Variants in BCL2L13 observed in about 807,000 individuals in gnomAD.
BCL2L13 encodes BCL2 like 13.
A neutral mutation model predicts 25.8 loss-of-function variants in BCL2L13; 13 were observed. The ratio of observed to expected loss-of-function variants is 0.50; its 90% confidence interval spans 0.33 to 0.80. The LOEUF is 0.80. Among genes scored for constraint, BCL2L13 ranks in the 30% least tolerant of loss-of-function variants. BCL2L13 has a pLI of 0.02. For synonymous variants in BCL2L13, 244 were observed against 230.3 expected (o/e 1.06, Z -0.54); for missense variants, 504 against 574.9 (o/e 0.88, Z 1.26).
intron 6 of BCL2L13, among the ~76,000 whole-genome samples, chr22:17,720,889 G>C (rs985652529): frequency 4.6e-5 from 7 of 151,810 alleles, no homozygotes; most frequent in African/African-American, 1.7e-4. Context: ...ATAACAGGCC[G>C]GGCGCGGTGG....
At chr22:17,683,735 A>T (rs186452691) in intron 3 of BCL2L13, among the ~76,000 whole-genome samples, 1,866 of 151,946 alleles carry the variant, frequency 0.012, 109 homozygotes, top group Admixed American at 0.095. Flanking sequence ...ATTCAACTTT[A>T]TAGCCATTTT....
chr22:17,638,873 G>GGGGCCA lies in BCL2L13; in HGVS notation c.-55_-51+1dup. 3 of 1,232,672 alleles carry GGGGCCA rather than the reference G, an allele frequency of 2.4e-6. No homozygotes were observed. Among genetic ancestry groups the GGGGCCA allele is most frequent in the Admixed American group, 4.2e-5 (1 of 23,736 alleles). 76.4% of individuals were successfully genotyped at this position (1,232,672 alleles called of 1,614,324 possible). ...CGCCTCTTTCATCTCTTCTGGGGCA[G>GGGGCCA]GGGCCAGGGCCAGGTGAGGGGAGTG... On this transcript the variant is annotated 5_prime_UTR_variant, in exon 1 of 7. Coordinates refer to ENST00000317582, the MANE Select transcript of BCL2L13 (RefSeq NM_015367.4).
At chr22:17,631,008 C>A (rs190330381) in intron 1 of BCL2L13, among the ~76,000 whole-genome samples, 3 of 152,076 alleles carry the variant, frequency 2.0e-5, no homozygotes, top group African/African-American at 7.2e-5. Context: ...GTGATCATGT[C>A]TTTTTAGTCT....
At chr22:17,680,281 T>C (rs1601630034) in intron 2 of BCL2L13, among the ~76,000 whole-genome samples, 1 of 136,680 alleles carries the variant, frequency 7.3e-6, no homozygotes, top group Admixed American at 7.8e-5. Flanking sequence ...GAGGCCGAGG[T>C]GGGCGCATCA....
intron 1 of BCL2L13, among the ~76,000 whole-genome samples, chr22:17,630,022 C>T (rs1023953900): frequency 2.0e-5 from 3 of 151,896 alleles, no homozygotes; most frequent in African/African-American, 7.3e-5. Flanking sequence ...ATTTCGAGAC[C>T]AGCCTGACCA....
chr22:17,680,922 G>A (rs953442709), intron 2 of BCL2L13, among the ~76,000 whole-genome samples: 1 of 152,090 alleles, frequency 6.6e-6, no homozygotes, highest in Non-Finnish European at 1.5e-5. Flanking sequence ...TGGTCAGCAG[G>A]TATGGTGCCA....
chr22:17,693,364 TA>T (rs1221011772), intron 4 of BCL2L13, among the ~76,000 whole-genome samples: 1,516 of 123,752 alleles, frequency 0.012, 48 homozygotes, highest in East Asian at 0.027. Context: ...TTTATTTATT[TA>T]GTGTTTGTTT....
intron 6 of BCL2L13, chr22:17,706,586 G>A (rs923323618): frequency 4.8e-5 from 43 of 897,348 alleles, no homozygotes; most frequent in African/African-American, 1.1e-4. Flanking sequence ...TTTCACATGC[G>A]TCTCTGAAGA....
At chr22:17,681,416 G>C (rs1021876954) in intron 2 of BCL2L13, among the ~76,000 whole-genome samples, 1 of 151,762 alleles carries the variant, frequency 6.6e-6, no homozygotes, top group Non-Finnish European at 1.5e-5. Context: ...GGAGAATGGC[G>C]TGAACCTGGG....
intron 6 of BCL2L13, among the ~76,000 whole-genome samples, chr22:17,721,285 G>A (rs35702373): frequency 0.15 from 22,085 of 152,090 alleles, 2,087 homozygotes; most frequent in Non-Finnish European, 0.21. Context: ...GTTCCTGTGG[G>A]GATTGTTGAG....
rs1229551248 is a variant in BCL2L13, at chr22:17,693,370, TTG to T, written c.387-2769_387-2768del. On this transcript the variant is annotated intron_variant, in intron 4 of 6. Coordinates refer to ENST00000317582, the MANE Select transcript of BCL2L13 (RefSeq NM_015367.4). ...ATTTATTTATTTATTTATTTAGTGT[TTG>T]TTTTTTTTTTTTTTTTTTTTTTTTG... 4.6e-4 allele frequency among the ~76,000 whole-genome samples: 38 copies of T among 82,464 alleles called. 1 individual carries two copies. Among genetic ancestry groups the T allele is most frequent in the Admixed American group, 1.4e-3 (10 of 7,390 alleles). The allele number at this position is 82,464 out of a possible 152,430, so 54.1% of individuals were successfully genotyped here.
chr22:17,687,753 G>C (rs1418046684), intron 3 of BCL2L13, among the ~76,000 whole-genome samples: 1 of 150,574 alleles, frequency 6.6e-6, no homozygotes, highest in South Asian at 2.1e-4. Flanking sequence ...TCCTGACCTC[G>C]TGATCTGCCC....
intron 6 of BCL2L13, among the ~76,000 whole-genome samples, chr22:17,711,304 C>CTTTTTTTTTTT (rs765639315): frequency 2.3e-4 from 29 of 125,384 alleles, no homozygotes; most frequent in African/African-American, 6.6e-4. Flanking sequence ...CATGATGGGC[C>CTTTTTTTTTTT]TTTTTTTTTT....
chr22:17,641,039 C>T (rs1042413846), intron 1 of BCL2L13, among the ~76,000 whole-genome samples: 69 of 151,824 alleles, frequency 4.5e-4, no homozygotes, highest in African/African-American at 1.5e-3. Context: ...TACAGGTGCC[C>T]GCCACCGCGA....
intron 6 of BCL2L13, among the ~76,000 whole-genome samples, chr22:17,713,827 G>T (rs1321630871): frequency 6.6e-6 from 1 of 151,912 alleles, no homozygotes; most frequent in African/African-American, 2.4e-5. Context: ...ACCATCATAA[G>T]TTGGGGACTG....
chr22:17,634,147 T>G (rs1382747025), upstream of BCL2L13, among the ~76,000 whole-genome samples: 1 of 152,150 alleles, frequency 6.6e-6, no homozygotes, highest in Non-Finnish European at 1.5e-5. Flanking sequence ...TTCCAGTCCC[T>G]TGTCTGTTTC....
At chr22:17,637,422 A>G (rs1277874865), upstream of BCL2L13, among the ~76,000 whole-genome samples, 9 of 150,012 alleles carry the variant, frequency 6.0e-5, no homozygotes, top group Non-Finnish European at 1.2e-4. Flanking sequence ...AAAAAAAAAA[A>G]AGTCTTCATT....
intron 2 of BCL2L13, among the ~76,000 whole-genome samples, chr22:17,668,721 T>C (rs1467063677): frequency 1.3e-5 from 2 of 152,194 alleles, no homozygotes; most frequent in East Asian, 3.9e-4. Context: ...TGCCTTGGCC[T>C]CCCAAAGTGC....
At chr22:17,694,734 T>C (rs1355792247) in intron 4 of BCL2L13, among the ~76,000 whole-genome samples, 1 of 152,176 alleles carries the variant, frequency 6.6e-6, no homozygotes, top group Non-Finnish European at 1.5e-5. Context: ...TGTGTCAGAA[T>C]CTTAACATCC....
Sources: allele counts gnomAD v4.1 joint callset (sites outside exome capture counted in the v4.1 genomes callset), GRCh38; gene constraint gnomAD v4.1.1; transcripts MANE v1.5; gene names NCBI Gene and HGNC (gene_info 2026-07-23, HGNC 2026-07-21).